The following PNKD variants were observed in gnomAD, a reference collection of about 807,000 sequenced individuals.
The protein encoded by PNKD is PNKD metallo-beta-lactamase domain containing, also known as probable thioesterase PNKD.
Under a neutral mutation model 45.3 loss-of-function variants are expected in PNKD, and 36 were observed. That is an observed-to-expected ratio of 0.80 (90% confidence interval 0.61 to 1.05). PNKD has a LOEUF of 1.05. Ranked by LOEUF, PNKD falls within the 50% of genes least tolerant of loss-of-function variation. PNKD has a pLI of 0.00. For missense variants in PNKD, 511 were observed against 506.6 expected (o/e 1.01, Z -0.08); for synonymous variants, 197 against 210.1 (o/e 0.94, Z 0.54).
At chr2:218,323,837 A>G (rs1235159966) in intron 2 of PNKD, among the ~76,000 whole-genome samples, 2 of 152,112 alleles carry the variant, frequency 1.3e-5, no homozygotes, top group African/African-American at 4.8e-5. Flanking sequence ...AGTGCCGGAG[A>G]GAAGGAATGC....
In PNKD at chr2:218,340,093, G is replaced by A. The variant is rs1203042078; in HGVS notation, c.417G>A (p.Gln139=). 1 of 1,614,022 alleles carries A rather than the reference G, an allele frequency of 6.2e-7. No individual in the cohort carries two copies. The highest frequency in any genetic ancestry group is 1.3e-5 in the African/African-American group (1 of 75,034). The change falls in exon 4 of 10, where the codon CAG becomes CAA. Residue 139 remains glutamine, a synonymous_variant. Transcript: ENST00000273077. The surrounding 1 kb of genome is among the most constrained non-coding windows in gnomAD (Gnocchi z 4.2). ...DNYSYLIIDT[Q]AQLAVAVDPS... ...ACAGCTACCTCATCATCGACACCCA[G>A]GCCCAGCTGGCTGTGGCTGTGGACC...
chr2:218,302,207 G>A (rs781588282), intron 2 of PNKD, among the ~76,000 whole-genome samples: 40 of 152,158 alleles, frequency 2.6e-4, no homozygotes, highest in Non-Finnish European at 5.4e-4. Flanking sequence ...AATTAGCCAG[G>A]CATGGTGGTG....
At position 218,344,983 on chromosome 2, in the gene PNKD, G is replaced by T; in HGVS notation, c.*2G>T. The T allele has an allele frequency of 6.2e-7, 1 of 1,607,774 alleles. No homozygotes were observed. Among genetic ancestry groups the T allele is most frequent in the East Asian group, 2.2e-5 (1 of 44,804 alleles). ...AAGGATATGCACAAGAGCAAGTGAT[G>T]CCCCCAGCGCCCCCAGCCCAGCCCA... On this transcript the variant is annotated 3_prime_UTR_variant, in exon 10 of 10. Transcript: ENST00000273077.
At chr2:218,343,430 G>C in intron 7 of PNKD, 70 bp from the exon 8 acceptor site, 1 of 1,239,810 alleles carries the variant, frequency 8.1e-7, no homozygotes, top group Non-Finnish European at 1.2e-6. Flanking sequence ...GTTCCCACCT[G>C]TCTGGGTGTG....
chr2:218,271,341 C>T (rs1690822646), intron 1 of PNKD, 40 bp from the exon 2 acceptor site: 1 of 1,597,302 alleles, frequency 6.3e-7, no homozygotes, highest in Admixed American at 1.7e-5. Context: ...TTGCTTTCTT[C>T]TCATCTCTTC....
At chr2:218,325,955 A>AG (rs1047932014) in intron 2 of PNKD, among the ~76,000 whole-genome samples, 2 of 152,040 alleles carry the variant, frequency 1.3e-5, no homozygotes, top group African/African-American at 4.8e-5. Flanking sequence ...TCCAGTCCCC[A>AG]GGGGGAGATG....
chr2:218,278,891 C>G (rs1691550933), intron 2 of PNKD: 1 of 908,220 alleles, frequency 1.1e-6, no homozygotes, highest in Non-Finnish European at 1.7e-6. Flanking sequence ...GGCACGCACA[C>G]CCACACCCTC....
At chr2:218,332,566 T>G (rs1475576544) in intron 2 of PNKD, among the ~76,000 whole-genome samples, 2 of 152,064 alleles carry the variant, frequency 1.3e-5, no homozygotes, top group Non-Finnish European at 2.9e-5. Flanking sequence ...ATCTCAGCCC[T>G]GCCTTCTCCT....
intron 2 of PNKD, among the ~76,000 whole-genome samples, chr2:218,333,514 C>T (rs966014338): frequency 5.3e-5 from 8 of 152,202 alleles, no homozygotes; most frequent in Admixed American, 2.0e-4. Flanking sequence ...GCCAGGCTCT[C>T]GGCTGAGTGC....
chr2:218,271,021 G>C (rs1240247991), intron 1 of PNKD: 1 of 457,580 alleles, frequency 2.2e-6, no homozygotes, highest in Non-Finnish European at 4.0e-6. Flanking sequence ...CTATCTTTAA[G>C]GTCCCTTCCA....
At chr2:218,316,951 T>C (rs1188431457) in intron 2 of PNKD, 1 of 152,032 alleles carries the variant, frequency 6.6e-6, no homozygotes, top group Non-Finnish European at 1.5e-5. Flanking sequence ...AGCTAACAGG[T>C]GGTAAGTAGT....
intron 2 of PNKD, among the ~76,000 whole-genome samples, chr2:218,332,771 C>G (rs562318204): frequency 1.3e-5 from 2 of 152,138 alleles, no homozygotes; most frequent in East Asian, 3.9e-4. Context: ...CACTCAGCAG[C>G]CCAGTGAGCT....
At chr2:218,279,900 C>T in intron 2 of PNKD, 1 of 752,880 alleles carries the variant, frequency 1.3e-6, no homozygotes, top group East Asian at 2.5e-5. Context: ...GCAGACAAGG[C>T]TAGAGAAGAC....
intron 2 of PNKD, among the ~76,000 whole-genome samples, chr2:218,329,386 C>T (rs1487825804): frequency 1.3e-5 from 2 of 152,216 alleles, no homozygotes; most frequent in Non-Finnish European, 2.9e-5. Context: ...AGAAACAAAC[C>T]AAAACTAAAC....
rs540450866 is a variant in PNKD at position 218,324,089 on chromosome 2, C to G, written c.237-15694C>G. The stretch of plus-strand genomic sequence containing the variant: ...TTCCAGTGATTTGTCTCCGTCGACC[C>G]TCCCCCGCTCACTCTGCCCTCCTGC... On this transcript the variant is annotated intron_variant, in intron 2 of 9. Coordinates refer to ENST00000273077, the MANE Select transcript of PNKD (RefSeq NM_015488.5). Among the ~76,000 whole-genome samples, 54 of 152,334 alleles carry G rather than the reference C, an allele frequency of 3.5e-4. No homozygotes were observed. The South Asian group carries it at 4.1e-3, about 12-fold the overall frequency.
intron 2 of PNKD, chr2:218,272,504 C>G (rs1690883509): frequency 3.4e-6 from 5 of 1,465,028 alleles, no homozygotes; most frequent in African/African-American, 1.4e-5. Context: ...TAGAATGACT[C>G]CCCCCAGCTC....
chr2:218,323,195 C>G, intron 2 of PNKD: 1 of 1,387,610 alleles, frequency 7.2e-7, no homozygotes, highest in Admixed American at 3.4e-5. Flanking sequence ...GCAGGTTCCC[C>G]GCGGGGGGCC....
chr2:218,310,711 C>T (rs892241355), intron 2 of PNKD, among the ~76,000 whole-genome samples: 1 of 151,304 alleles, frequency 6.6e-6, no homozygotes, highest in African/African-American at 2.4e-5. Context: ...CCTGCCTCAG[C>T]CTCCTAAGTA....
intron 2 of PNKD, among the ~76,000 whole-genome samples, chr2:218,299,512 A>G (rs760466187): frequency 4.6e-5 from 7 of 152,086 alleles, no homozygotes; most frequent in Admixed American, 2.0e-4. Context: ...CGAAGCAGTC[A>G]TGGCTCTCTG....
Sources: gnomAD v4.1 joint callset for allele counts (sites outside exome capture counted in the v4.1 genomes callset) on GRCh38, gnomAD v4.1.1 for gene constraint, Gnocchi (gnomAD v3.1) non-coding constraint, MANE v1.5 for transcripts, NCBI Gene and HGNC (gene_info 2026-07-23, HGNC 2026-07-21) for gene names.